Variants in ACACA observed in about 807,000 individuals in gnomAD.
ACACA encodes acetyl-CoA carboxylase alpha, also known as acetyl-CoA carboxylase 1.
Under a neutral mutation model 296.1 loss-of-function variants are expected in ACACA, and 103 were observed. The ratio of observed to expected loss-of-function variants is 0.35; its 90% CI spans 0.30 to 0.41. ACACA has a LOEUF of 0.41. Ranked by LOEUF, ACACA falls within the 10% of genes least tolerant of loss-of-function variation. ACACA has a pLI of 1.00. For missense variants in ACACA, 1,554 were observed against 2,989.7 expected (o/e 0.52, Z 11.20); for synonymous variants, 953 against 1,038.6 (o/e 0.92, Z 1.58).
chr17:37,140,340 T>G lies in ACACA; in HGVS notation c.5679+9524A>C, dbSNP rs373643527. Among the ~76,000 whole-genome samples, 23 of 152,194 alleles carry G rather than the reference T, an allele frequency of 1.5e-4. No individual in the cohort carries two copies. The East Asian group carries it at 3.7e-3, about 24-fold the overall frequency. On this transcript the variant is annotated intron_variant, in intron 45 of 55. Coordinates refer to ENST00000616317, the MANE Select transcript of ACACA (RefSeq NM_198834.3). ...CAACTTCCATTCCTGGTCTCACGAG[T>G]ATGTAATAATTTTATATATCACTAA...
intron 1 of ACACA, among the ~76,000 whole-genome samples, chr17:37,390,241 A>T (rs1597786216): frequency 4.0e-5 from 2 of 49,498 alleles, no homozygotes; most frequent in African/African-American, 1.3e-4. Context: ...TATATAATAT[A>T]TTATATATAT....
At chr17:37,373,419 G>C (rs1163401266) in intron 1 of ACACA, among the ~76,000 whole-genome samples, 1 of 151,998 alleles carries the variant, frequency 6.6e-6, no homozygotes, top group Non-Finnish European at 1.5e-5. Context: ...GGCTAATTTT[G>C]TATTTTTAGT....
At chr17:37,185,664 G>T (rs1326307263) in intron 39 of ACACA, among the ~76,000 whole-genome samples, 1 of 151,894 alleles carries the variant, frequency 6.6e-6, no homozygotes, top group African/African-American at 2.4e-5. Flanking sequence ...CGCCTCCCGG[G>T]TTCTAGCAAT....
chr17:37,210,556 G>A, intron 29 of ACACA, 66 bp from the exon 30 acceptor site: 10 of 1,491,186 alleles, frequency 6.7e-6, no homozygotes, highest in Non-Finnish European at 8.4e-6. Context: ...AGAATTGTCA[G>A]AGCAGATATA....
At chr17:37,096,971 G>T (rs2142710729) in intron 54 of ACACA, 25 bp downstream of exon 54, 1 of 1,613,938 alleles carries the variant, frequency 6.2e-7, no homozygotes, top group East Asian at 2.2e-5. Context: ...CAGCAAAAAG[G>T]CTTCTCTTTG....
At chr17:37,204,622 C>T (rs1454878678) in intron 33 of ACACA, among the ~76,000 whole-genome samples, 2 of 152,264 alleles carry the variant, frequency 1.3e-5, no homozygotes, top group African/African-American at 4.8e-5. Flanking sequence ...GTTAGGGCTA[C>T]TCAGAAGTCC....
rs183540851 is a variant in ACACA, at chr17:37,283,427, G to A, written c.472-22C>T. 3.8e-3 allele frequency: 6,060 copies of A among 1,613,836 alleles called. 16 individuals carry two copies. The highest frequency in any genetic ancestry group is 4.0e-3 in the Non-Finnish European group (4,744 of 1,179,836). On this transcript the variant is annotated intron_variant, in intron 4 of 55. Coordinates refer to ENST00000616317, the MANE Select transcript of ACACA (RefSeq NM_198834.3). ...GAACCTGGGAGGGGGAAGGAGATGG[G>A]AATGGGAAGAAAAGGCAGAAAAAAG...
At chr17:37,098,407 G>T (rs1184786515) in intron 52 of ACACA, among the ~76,000 whole-genome samples, 1 of 152,230 alleles carries the variant, frequency 6.6e-6, no homozygotes, top group Non-Finnish European at 1.5e-5. Context: ...TTCCACACGT[G>T]GGATGTGGTG....
At chr17:37,093,299 G>A (rs1427923230) in intron 54 of ACACA, among the ~76,000 whole-genome samples, 2 of 152,182 alleles carry the variant, frequency 1.3e-5, no homozygotes, top group Admixed American at 6.5e-5. Flanking sequence ...CCATGGCATC[G>A]GGTTGTGGGA....
rs1359439747 is a variant in ACACA at position 37,121,649 on chromosome 17, AG to A, written c.6139-160del. On this transcript the variant is annotated intron_variant, in intron 49 of 55. Transcript: ENST00000616317. ...ATCATCATGTTTGGAGTAAAAAAGA[AG>A]AAAGGATCCTCGATCTTTGACCTTG... is the stretch of plus-strand genomic sequence containing the variant. Among the ~76,000 whole-genome samples the A allele has an allele frequency of 2.0e-5, 3 of 152,386 alleles. No individual in the cohort carries two copies. In the South Asian group the frequency reaches 6.2e-4, roughly 32 times the overall value.
chr17:37,276,910 A>AG (rs1248993990), intron 7 of ACACA, 123 bp downstream of exon 7: 9 of 853,706 alleles, frequency 1.1e-5, no homozygotes, highest in Admixed American at 3.6e-5. Flanking sequence ...TAATAGATTG[A>AG]GGGAAAAAAA....
intron 41 of ACACA, among the ~76,000 whole-genome samples, chr17:37,170,559 C>A (rs1370533694): frequency 6.6e-6 from 1 of 152,044 alleles, no homozygotes; most frequent in African/African-American, 2.4e-5. Context: ...AGGATTCTGC[C>A]CTGAGATGTC....
chr17:37,192,290 T>C lies in ACACA; in HGVS notation c.4216A>G (p.Ile1406Val), dbSNP rs755753048. ...AGAGCAGGCTCCAGATGACGATAGATACGATCCTCCTCAAACTGAGTACAA... is the reference window on the plus strand; with the variant it reads ...AGAGCAGGCTCCAGATGACGATAGACACGATCCTCCTCAAACTGAGTACAA... ...RARDKFEEDRIYRHLEPALAF... is the reference protein window; with the variant it reads ...RARDKFEEDRVYRHLEPALAF... The change falls in exon 37 of 56, where the codon ATC becomes GTC. Residue 1406 changes from isoleucine to valine, a missense_variant. By Grantham distance (29) the Ile-to-Val change is conservative. Around this residue, in one of 16 missense-constraint regions of ACACA, gnomAD observed 179 missense variants for 283.2 expected, o/e 0.63. Coordinates refer to ENST00000616317, the MANE Select transcript of ACACA (RefSeq NM_198834.3). 1 of 1,613,964 alleles carries C rather than the reference T, an allele frequency of 6.2e-7. No homozygotes were observed. The highest frequency in any genetic ancestry group is 8.5e-7 in the Non-Finnish European group (1 of 1,180,002).
chr17:37,168,780 C>A (rs1052094325), intron 41 of ACACA, among the ~76,000 whole-genome samples: 2 of 152,100 alleles, frequency 1.3e-5, no homozygotes, highest in Non-Finnish European at 2.9e-5. Context: ...AGAGTGTAAA[C>A]ATATGTATAT....
Position 37,085,366 on chromosome 17 carries a change from A to G in ACACA, c.*1950T>C. On this transcript the variant is annotated 3_prime_UTR_variant, in exon 56 of 56. Transcript: ENST00000616317. ...TCGTTTGTGTCATAATTTGGTGGGG[A>G]GAGGGGAGGTAAATGAGTGTAACCC... The G allele has an allele frequency of 2.7e-6, 1 of 375,612 alleles. No homozygotes were observed. The allele number at this position is 375,612 out of a possible 1,614,324, so 23.3% of individuals were successfully genotyped here.
chr17:37,370,369 A>G (rs930358810), intron 1 of ACACA, among the ~76,000 whole-genome samples: 4 of 151,308 alleles, frequency 2.6e-5, no homozygotes, highest in Non-Finnish European at 5.9e-5. Context: ...TTTCCAGCCC[A>G]GACGCGGTGG....
At chr17:37,162,681 C>A in intron 41 of ACACA, 1 of 284,812 alleles carries the variant, frequency 3.5e-6, no homozygotes, top group Non-Finnish European at 6.7e-6. Context: ...CCCCCAAATG[C>A]CACATGCTGC....
chr17:37,359,148 G>A lies in ACACA; in HGVS notation c.39-19298C>T, dbSNP rs956397911. ...CACACGGAGAAGGGGCGGGGCTTCAGGGGCCTGACCCGCCCCCGCCCCGCC... is the reference window on the plus strand; with the variant it reads ...CACACGGAGAAGGGGCGGGGCTTCAAGGGCCTGACCCGCCCCCGCCCCGCC... On this transcript the variant is annotated intron_variant, in intron 1 of 55. Coordinates refer to ENST00000616317, the MANE Select transcript of ACACA (RefSeq NM_198834.3). The A allele has an allele frequency of 4.1e-6, 4 of 985,174 alleles. No individual in the cohort carries two copies. The African/African-American group carries it at 7.0e-5, about 17-fold the overall frequency. The allele number at this position is 985,174 out of a possible 1,614,324, so 61.0% of individuals were successfully genotyped here.
chr17:37,182,971 C>G (rs1475543422), intron 39 of ACACA, among the ~76,000 whole-genome samples: 1 of 152,146 alleles, frequency 6.6e-6, no homozygotes, highest in Non-Finnish European at 1.5e-5. Flanking sequence ...TAGGAAAAGT[C>G]ACCCGGGGGG....
Sources: gnomAD v4.1 joint callset for allele counts (sites outside exome capture counted in the v4.1 genomes callset) on GRCh38, gnomAD v4.1.1 for gene constraint, gnomAD v4.1.1 regional missense constraint, MANE v1.5 for transcripts, NCBI Gene and HGNC (gene_info 2026-07-23, HGNC 2026-07-21) for gene names.